The following ARID2 variants were observed in gnomAD, a reference collection of about 807,000 sequenced individuals.
ARID2 encodes the protein AT-rich interactive domain-containing protein 2.
In ARID2, 32 loss-of-function variants were observed where a neutral mutation model predicts 184.6. The observed-to-expected ratio is 0.17, with a 90% CI of 0.13 to 0.23. The LOEUF (loss-of-function observed/expected upper bound fraction) is 0.23, where lower values mean the gene tolerates loss of function less well. Among genes scored for constraint, ARID2 ranks in the 10% least tolerant of loss-of-function variants. The probability of loss-of-function intolerance (pLI) is 1.00; values close to 1 mark genes in which losing one functional copy is unlikely to be tolerated. For missense variants in ARID2, 1,696 were observed against 2,197.6 expected (o/e 0.77, Z 4.56); for synonymous variants, 836 against 772.6 (o/e 1.08, Z -1.36).
chr12:45,848,888 A>G lies in ARID2; in HGVS notation c.1633A>G (p.Met545Val), dbSNP rs1238410038. 1 of 1,612,494 alleles carries G rather than the reference A, an allele frequency of 6.2e-7. No individual in the cohort carries two copies. Among genetic ancestry groups the G allele is most frequent in the Non-Finnish European group, 8.5e-7 (1 of 1,179,042 alleles). ...AGATTGTTCTGTTTCTCGAGCAGAA[A>G]TGTATTCTGAATACCTCTCGACTTG... ...NPDCSVSRAE[M>V]YSEYLSTCSK... The change falls in exon 13 of 21, where the codon ATG becomes GTG. Residue 545 changes from methionine to valine, a missense_variant. Coordinates refer to ENST00000334344, the MANE Select transcript of ARID2 (RefSeq NM_152641.4).
chr12:45,892,121 G>A, intron 18 of ARID2, 25 bp downstream of exon 18: 2 of 1,599,454 alleles, frequency 1.3e-6, no homozygotes, highest in South Asian at 1.1e-5. Flanking sequence ...TTTACTTCCT[G>A]TTGTACATAC....
intron 16 of ARID2, among the ~76,000 whole-genome samples, chr12:45,885,671 G>T (rs771150905): frequency 2.0e-5 from 3 of 152,198 alleles, no homozygotes; most frequent in Non-Finnish European, 4.4e-5. Context: ...CTTCTGCAGG[G>T]CTGGGCAGGC....
At chr12:45,776,633 A>C (rs185142449) in intron 3 of ARID2, among the ~76,000 whole-genome samples, 5 of 152,260 alleles carry the variant, frequency 3.3e-5, no homozygotes, top group African/African-American at 1.2e-4. Context: ...TTTTTTTAAA[A>C]ATTCACATGC....
chr12:45,731,980 CTCT>C (rs755897056), intron 3 of ARID2, among the ~76,000 whole-genome samples: 97 of 151,548 alleles, frequency 6.4e-4, no homozygotes, highest in East Asian at 1.7e-3. Flanking sequence ...TTCATTCTCC[CTCT>C]TCTTCTTTGA....
At chr12:45,793,930 G>A (rs932439601) in intron 3 of ARID2, among the ~76,000 whole-genome samples, 15 of 151,508 alleles carry the variant, frequency 9.9e-5, no homozygotes, top group African/African-American at 3.6e-4. Flanking sequence ...TTTAATAATT[G>A]TTTTTGTCTT....
chr12:45,842,136 G>GTAGTCCCAGCTTGGGCC (rs1261240792), intron 11 of ARID2: 1 of 151,378 alleles, frequency 6.6e-6, no homozygotes, highest in Non-Finnish European at 1.5e-5. Flanking sequence ...ATGCATGCGT[G>GTAGTCCCAGCTTGGGCC]TAGTCCCAGC....
chr12:45,759,576 G>C (rs1457828307), intron 3 of ARID2, among the ~76,000 whole-genome samples: 1 of 152,118 alleles, frequency 6.6e-6, no homozygotes. Context: ...TATTGAAATA[G>C]AGGAAAATAT....
intron 16 of ARID2, among the ~76,000 whole-genome samples, chr12:45,861,732 G>A (rs1943753057): frequency 6.6e-6 from 1 of 151,678 alleles, no homozygotes; most frequent in Admixed American, 6.6e-5. Flanking sequence ...TTACAGGCAT[G>A]TGCCACCATC....
chr12:45,900,022 G>A (rs1944437148), intron 20 of ARID2, among the ~76,000 whole-genome samples: 1 of 151,702 alleles, frequency 6.6e-6, no homozygotes, highest in African/African-American at 2.4e-5. Flanking sequence ...ATTGTTTGAT[G>A]TTGAGCCAAG....
intron 16 of ARID2, among the ~76,000 whole-genome samples, chr12:45,874,563 T>C (rs1943980568): frequency 1.3e-5 from 2 of 152,360 alleles, no homozygotes; most frequent in South Asian, 4.1e-4. Flanking sequence ...ATCTTTAGGC[T>C]CTGCTTCTAG....
At chr12:45,745,019 CTT>C (rs1941329536) in intron 3 of ARID2, among the ~76,000 whole-genome samples, 3 of 152,108 alleles carry the variant, frequency 2.0e-5, no homozygotes, top group African/African-American at 7.2e-5. Context: ...AAGCAGCACT[CTT>C]TAGAGTTTTA....
intron 16 of ARID2, among the ~76,000 whole-genome samples, chr12:45,867,614 G>T (rs1006812110): frequency 6.6e-6 from 1 of 151,522 alleles, no homozygotes; most frequent in African/African-American, 2.4e-5. Flanking sequence ...ATGGTGGCGG[G>T]CGCCTGTAGT....
intron 2 of ARID2, among the ~76,000 whole-genome samples, chr12:45,730,837 G>A (rs1314495849): frequency 6.7e-6 from 1 of 149,142 alleles, no homozygotes; most frequent in African/African-American, 2.5e-5. Flanking sequence ...CCAACCCGCG[G>A]ACGTCGCTGT....
In ARID2 at chr12:45,850,442, T is replaced by G. The variant is rs370295484; in HGVS notation, c.2319T>G (p.Ser773=). 29 of 1,613,926 alleles carry G rather than the reference T, an allele frequency of 1.8e-5. No individual in the cohort carries two copies. The highest frequency in any genetic ancestry group is 2.5e-5 in the Non-Finnish European group (29 of 1,179,986). The stretch of plus-strand genomic sequence containing the variant: ...ATCCATCTGTAATTCCACAGCAGTC[T>G]CCATTACACACAGTGGTACCAGGAC... ...LHHPSVIPQQ[S]PLHTVVPGQI... The change falls in exon 15 of 21, where the codon TCT becomes TCG. Residue 773 remains serine, a synonymous_variant. Transcript: ENST00000334344.
chr12:45,768,713 C>A (rs1383915586), intron 3 of ARID2, among the ~76,000 whole-genome samples: 2 of 152,074 alleles, frequency 1.3e-5, no homozygotes, highest in South Asian at 2.1e-4. Flanking sequence ...AAATGAAGAG[C>A]TGGGAGGAGT....
intron 6 of ARID2, among the ~76,000 whole-genome samples, chr12:45,834,630 C>G (rs565936601): frequency 2.0e-5 from 3 of 152,170 alleles, no homozygotes; most frequent in East Asian, 1.9e-4. Context: ...ATAATCCCAG[C>G]TACTTGGGAG....
intron 4 of ARID2, among the ~76,000 whole-genome samples, chr12:45,811,824 C>CTGA (rs1410789861): frequency 6.6e-6 from 1 of 151,988 alleles, no homozygotes; most frequent in African/African-American, 2.4e-5. Context: ...TCAGTTTATC[C>CTGA]TAAATAGTCA....
chr12:45,802,535 G>A (rs1942524825), intron 3 of ARID2, among the ~76,000 whole-genome samples: 3 of 151,794 alleles, frequency 2.0e-5, no homozygotes, highest in Admixed American at 6.6e-5. Context: ...TTATTGTAAC[G>A]GGTAGATTGT....
At chr12:45,755,723 C>T (rs1941556239) in intron 3 of ARID2, among the ~76,000 whole-genome samples, 1 of 152,106 alleles carries the variant, frequency 6.6e-6, no homozygotes, top group Admixed American at 6.6e-5. Context: ...TCTCTGAGCT[C>T]ACTTTTTTTT....
Sources: allele counts gnomAD v4.1 joint callset (sites outside exome capture counted in the v4.1 genomes callset), GRCh38; gene constraint gnomAD v4.1.1; transcripts MANE v1.5; gene names NCBI Gene and HGNC (gene_info 2026-07-23, HGNC 2026-07-21).